MFSD11: variants seen among roughly 807,000 people sequenced by gnomAD.
MFSD11 encodes major facilitator superfamily domain containing 11.
Under a neutral mutation model 53.5 loss-of-function variants are expected in MFSD11, and 36 were observed. The observed-to-expected ratio is 0.67, with a 90% confidence interval of 0.52 to 0.89. The LOEUF (loss-of-function observed/expected upper bound fraction) is 0.89. Ranked by LOEUF, MFSD11 falls within the 40% of genes least tolerant of loss-of-function variation. The pLI, the probability that MFSD11 is intolerant of heterozygous loss-of-function variation, is 0.00. For synonymous variants in MFSD11, 186 were observed against 184.9 expected (o/e 1.01, Z -0.05); for missense variants, 530 against 543.9 (o/e 0.97, Z 0.25).
At chr17:76,737,452 G>C (rs2143962555), upstream of MFSD11, 1 of 386,068 alleles carries the variant, frequency 2.6e-6, no homozygotes, top group Non-Finnish European at 4.7e-6. Flanking sequence ...ACCCTGCCGC[G>C]CGCCCCGCCC....
At chr17:76,753,961 T>TACGA in intron 7 of MFSD11, 86 bp from the exon 8 acceptor site, 2 of 1,183,184 alleles carry the variant, frequency 1.7e-6, no homozygotes, top group South Asian at 2.7e-5. Context: ...ACAGGGTTTT[T>TACGA]ACGAACGTAA....
At chr17:76,786,081 A>AG (rs1390620268), downstream of MFSD11, among the ~76,000 whole-genome samples, 1 of 151,400 alleles carries the variant, frequency 6.6e-6, no homozygotes, top group Non-Finnish European at 1.5e-5. Flanking sequence ...TCTCAAAAAA[A>AG]AAAAAAAAAA....
intron 7 of MFSD11, among the ~76,000 whole-genome samples, chr17:76,748,554 G>A (rs1295764881): frequency 4.6e-5 from 7 of 151,894 alleles, no homozygotes; most frequent in Admixed American, 2.0e-4. Context: ...AGGTGTGGTG[G>A]TGCACGCCTG....
At chr17:76,788,568 C>T in the MFSD11 span, among the ~76,000 whole-genome samples, 1 of 149,076 alleles carries the variant, frequency 6.7e-6, no homozygotes, top group East Asian at 2.0e-4. Flanking sequence ...GTTTCACAGC[C>T]TCGGTAGAGG....
At chr17:76,775,381 C>T (rs1451085983) in intron 11 of MFSD11, among the ~76,000 whole-genome samples, 2 of 152,122 alleles carry the variant, frequency 1.3e-5, no homozygotes, top group African/African-American at 2.4e-5. Flanking sequence ...TAACCTTTTC[C>T]CCCACTAAAT....
rs553387165 is a variant in MFSD11 at position 76,738,270 on chromosome 17, T to G, written c.-83T>G. The G allele has an allele frequency of 1.6e-4, 142 of 887,614 alleles. No individual in the cohort carries two copies. In the African/African-American group the frequency reaches 2.2e-3, roughly 14 times the overall value. 55.0% of individuals were successfully genotyped at this position (887,614 alleles called of 1,614,324 possible). Reference sequence around the variant, plus strand: ...CTGCCTTCTCCACTCACCATCTCATTTCTTTCTCCAGGATTGTCAGTGGCT... The same window carrying G: ...CTGCCTTCTCCACTCACCATCTCATGTCTTTCTCCAGGATTGTCAGTGGCT... On this transcript the variant is annotated 5_prime_UTR_variant, in exon 1 of 13. In the 5' UTR this introduces an upstream ATG that the reference lacks. Transcript: ENST00000685175.
At chr17:76,792,843 T>A in the MFSD11 span, among the ~76,000 whole-genome samples, 1 of 151,142 alleles carries the variant, frequency 6.6e-6, no homozygotes, top group Non-Finnish European at 1.5e-5. Flanking sequence ...ATCCGCCGGG[T>A]TGAGAAATAA....
chr17:76,760,846 G>A (rs776331612), intron 8 of MFSD11, among the ~76,000 whole-genome samples: 25 of 151,912 alleles, frequency 1.6e-4, no homozygotes, highest in Admixed American at 2.6e-4. Flanking sequence ...AGTTTCTATC[G>A]GATTTCAAAA....
At chr17:76,751,897 C>T (rs756050556) in intron 7 of MFSD11, among the ~76,000 whole-genome samples, 2 of 152,070 alleles carry the variant, frequency 1.3e-5, no homozygotes, top group Non-Finnish European at 2.9e-5. Context: ...TAAAATCACA[C>T]AACTAATTAG....
the MFSD11 span, among the ~76,000 whole-genome samples, chr17:76,789,221 C>A: frequency 6.7e-6 from 1 of 150,016 alleles, no homozygotes; most frequent in Non-Finnish European, 1.5e-5. Flanking sequence ...AAGTGGGCAA[C>A]ATAAGAGATC....
chr17:76,749,848 C>T lies in MFSD11; in HGVS notation c.642-4199C>T, dbSNP rs189865497. 1.3e-4 allele frequency among the ~76,000 whole-genome samples: 20 copies of T among 150,726 alleles called. No individual in the cohort carries two copies. The East Asian group carries it at 3.5e-3, about 27-fold the overall frequency. On this transcript the variant is annotated intron_variant, in intron 7 of 12. Coordinates refer to ENST00000685175, the MANE Select transcript of MFSD11 (RefSeq NM_001242532.5). Reference sequence around the variant, plus strand: ...GAGGTGGCAGTGAGCCAAGATTGCACCGCAGCACTCCAGCCTGGGCGATAG... The same window carrying T: ...GAGGTGGCAGTGAGCCAAGATTGCATCGCAGCACTCCAGCCTGGGCGATAG...
intron 8 of MFSD11, among the ~76,000 whole-genome samples, chr17:76,764,230 A>G (rs1485033401): frequency 6.6e-6 from 1 of 151,822 alleles, no homozygotes; most frequent in East Asian, 1.9e-4. Flanking sequence ...CCATCACCTC[A>G]CATAGTTATC....
chr17:76,739,970 T>C (rs529918243), intron 2 of MFSD11, among the ~76,000 whole-genome samples: 1 of 151,300 alleles, frequency 6.6e-6, no homozygotes, highest in African/African-American at 2.4e-5. Context: ...ATCTAGACCA[T>C]CGTGGCTAAC....
At chr17:76,764,266 A>G (rs1311194081) in intron 8 of MFSD11, among the ~76,000 whole-genome samples, 5 of 152,184 alleles carry the variant, frequency 3.3e-5, no homozygotes, top group African/African-American at 1.2e-4. Context: ...TAATGAGAAC[A>G]TTTAAGATCT....
intron 8 of MFSD11, among the ~76,000 whole-genome samples, chr17:76,760,974 G>C (rs554439424): frequency 2.2e-4 from 34 of 152,232 alleles, no homozygotes; most frequent in African/African-American, 8.2e-4. Flanking sequence ...GAGAGGCCGA[G>C]GTGGGCGGAT....
chr17:76,771,535 T>C (rs1476352746), intron 10 of MFSD11, among the ~76,000 whole-genome samples: 1 of 152,150 alleles, frequency 6.6e-6, no homozygotes, highest in Non-Finnish European at 1.5e-5. Flanking sequence ...ATACAGACAA[T>C]AAAAACAGAA....
At chr17:76,749,934 G>A (rs554698129) in intron 7 of MFSD11, among the ~76,000 whole-genome samples, 2 of 151,798 alleles carry the variant, frequency 1.3e-5, no homozygotes, top group South Asian at 4.2e-4. Flanking sequence ...AAATATGAGG[G>A]TGGGAGGTGG....
chr17:76,772,543 A>C (rs1488349216), intron 10 of MFSD11, among the ~76,000 whole-genome samples: 1 of 139,900 alleles, frequency 7.1e-6, no homozygotes, highest in African/African-American at 2.7e-5. Context: ...TTAAGGACAG[A>C]GTCTTGCTCT....
chr17:76,762,786 A>AAAGCAATTAAGCACC (rs2080408314), intron 8 of MFSD11, among the ~76,000 whole-genome samples: 1 of 152,176 alleles, frequency 6.6e-6, no homozygotes, highest in South Asian at 2.1e-4. Context: ...TCCCGAGTAG[A>AAAGCAATTAAGCACC]AAGCAATTAA....
Sources: gnomAD v4.1 joint callset for allele counts (sites outside exome capture counted in the v4.1 genomes callset) on GRCh38, gnomAD v4.1.1 for gene constraint, MANE v1.5 for transcripts, NCBI Gene and HGNC (gene_info 2026-07-23, HGNC 2026-07-21) for gene names.